Variants in GPA33 observed in about 807,000 individuals in gnomAD.
GPA33 encodes the protein cell surface A33 antigen.
A neutral mutation model predicts 35.6 loss-of-function variants in GPA33; 27 were observed. That is an observed-to-expected ratio of 0.76 (90% CI 0.56 to 1.04). The LOEUF (loss-of-function observed/expected upper bound fraction) is 1.04. GPA33 is among the 50% of genes least tolerant of loss of function. GPA33 has a pLI of 0.00. For synonymous variants in GPA33, 176 were observed against 164.0 expected, an observed-to-expected ratio of 1.07 and a Z score of -0.56; for missense variants, 428 against 411.9, an observed-to-expected ratio of 1.04 and a Z score of -0.34.
At chr1:167,067,679 C>G (rs1451108950) in intron 3 of GPA33, among the ~76,000 whole-genome samples, 2 of 152,126 alleles carry the variant, frequency 1.3e-5, no homozygotes, top group Non-Finnish European at 2.9e-5. Context: ...CCTGAATATT[C>G]ATCAGTATGG....
intron 1 of GPA33, among the ~76,000 whole-genome samples, chr1:167,087,963 T>C (rs1036780260): frequency 2.8e-5 from 4 of 142,810 alleles, no homozygotes; most frequent in South Asian, 2.2e-4. Flanking sequence ...GGTTTTATGA[T>C]TGCTTTTAAA....
rs1247061333 is a variant in GPA33, at chr1:167,090,303, C to T, written c.-16G>A. ...TCCCCACCATGGTCTTGCTTCTTCT[C>T]TGCCCTAAACCTAACCTGTCACTGG... On this transcript the variant is annotated 5_prime_UTR_variant, in exon 1 of 7. Transcript: ENST00000367868. 5.0e-6 allele frequency: 8 copies of T among 1,611,652 alleles called. No individual in the cohort carries two copies. The highest frequency in any genetic ancestry group is 5.1e-6 in the Non-Finnish European group (6 of 1,177,930).
At chr1:167,056,721 G>GTA (rs1666289897) in intron 4 of GPA33, among the ~76,000 whole-genome samples, 14 of 102,780 alleles carry the variant, frequency 1.4e-4, no homozygotes, top group South Asian at 3.4e-4. Context: ...TGTGTGTGTA[G>GTA]TGTGTGATGT....
At chr1:167,082,827 C>T (rs1474517682) in intron 1 of GPA33, among the ~76,000 whole-genome samples, 1 of 152,198 alleles carries the variant, frequency 6.6e-6, no homozygotes, top group Non-Finnish European at 1.5e-5. Flanking sequence ...GTGTTTATGG[C>T]ATCCCTGACT....
chr1:167,063,156 G>A (rs919709390), intron 4 of GPA33, among the ~76,000 whole-genome samples: 1 of 152,220 alleles, frequency 6.6e-6, no homozygotes, highest in African/African-American at 2.4e-5. Flanking sequence ...GGCCGGGCGC[G>A]ATGGCTCACG....
intron 1 of GPA33, among the ~76,000 whole-genome samples, chr1:167,089,679 G>T (rs1325765743): frequency 1.3e-5 from 2 of 152,108 alleles, no homozygotes; most frequent in Non-Finnish European, 2.9e-5. Flanking sequence ...AATGCTCAGA[G>T]TCCCAGAATT....
chr1:167,089,969 G>A (rs528513891), intron 1 of GPA33, among the ~76,000 whole-genome samples: 2 of 152,190 alleles, frequency 1.3e-5, no homozygotes, highest in East Asian at 3.9e-4. Flanking sequence ...TCCTGTGTCT[G>A]ATCCTATAAT....
At chr1:167,063,459 G>T in intron 4 of GPA33, 123 bp downstream of exon 4, 1 of 761,178 alleles carries the variant, frequency 1.3e-6, no homozygotes, top group Non-Finnish European at 2.2e-6. Flanking sequence ...GATAGGGATG[G>T]GTAGGGAAGC....
At chr1:167,086,153 T>C (rs1477855385) in intron 1 of GPA33, among the ~76,000 whole-genome samples, 1 of 152,238 alleles carries the variant, frequency 6.6e-6, no homozygotes, top group Non-Finnish European at 1.5e-5. Context: ...AGGGAGGCAA[T>C]GTGATTCATT....
chr1:167,086,074 C>A (rs747546554), intron 1 of GPA33, among the ~76,000 whole-genome samples: 1 of 152,216 alleles, frequency 6.6e-6, no homozygotes, highest in Admixed American at 6.5e-5. Context: ...CCATTCATAA[C>A]ATCTTTTCTC....
At position 167,071,999 on chromosome 1, in the gene GPA33, G is replaced by T. The variant is rs145508768; in HGVS notation, c.198+1386C>A. On this transcript the variant is annotated intron_variant, in intron 2 of 6. Transcript: ENST00000367868. ...TAAATAAGTATGATGGCAAGAGAAGGTTCCCTTTCGCTCCTACAAGCTAAA... is the reference window on the plus strand; with the variant it reads ...TAAATAAGTATGATGGCAAGAGAAGTTTCCCTTTCGCTCCTACAAGCTAAA... Among the ~76,000 whole-genome samples the T allele has an allele frequency of 3.9e-5, 6 of 152,294 alleles. No homozygotes were observed. In the East Asian group the frequency reaches 5.8e-4, roughly 15 times the overall value.
chr1:167,073,290 C>A (rs986431182), intron 2 of GPA33, 95 bp downstream of exon 2: 6 of 1,065,314 alleles, frequency 5.6e-6, no homozygotes, highest in Non-Finnish European at 7.0e-6. Flanking sequence ...TTTATTCTAC[C>A]ATTTATGGAA....
intron 1 of GPA33, among the ~76,000 whole-genome samples, chr1:167,075,240 G>A (rs189953704): frequency 3.2e-4 from 49 of 152,242 alleles, no homozygotes; most frequent in Admixed American, 2.4e-3. Context: ...CAAATGTGGG[G>A]TGAACAGATA....
intron 1 of GPA33, 117 bp downstream of exon 1, chr1:167,090,128 C>G: frequency 2.6e-6 from 2 of 758,980 alleles, no homozygotes; most frequent in Non-Finnish European, 4.7e-6. Context: ...CCAGCAGGAA[C>G]GCAGCTGTGT....
intron 6 of GPA33, 113 bp from the exon 7 acceptor site, chr1:167,054,579 A>C: frequency 7.7e-7 from 1 of 1,305,288 alleles, no homozygotes; most frequent in Non-Finnish European, 1.1e-6. Flanking sequence ...CTCCCCACCC[A>C]CCAGCTGCAG....
chr1:167,081,605 G>T (rs1460963441), intron 1 of GPA33, among the ~76,000 whole-genome samples: 22 of 152,192 alleles, frequency 1.4e-4, no homozygotes, highest in Non-Finnish European at 1.5e-5. Context: ...CTAGTTTAGT[G>T]CAAGGCACCA....
intron 2 of GPA33, among the ~76,000 whole-genome samples, chr1:167,071,553 G>A (rs532010047): frequency 6.6e-6 from 1 of 152,218 alleles, no homozygotes; most frequent in Non-Finnish European, 1.5e-5. Context: ...CAACAGACCA[G>A]GTTGAGGCAG....
At chr1:167,067,349 G>T (rs6672138) in intron 3 of GPA33, among the ~76,000 whole-genome samples, 30,287 of 151,726 alleles carry the variant, frequency 0.2, 3,296 homozygotes, top group Non-Finnish European at 0.24. Context: ...GCTGGTCTCC[G>T]CCTCGGCCTC....
Position 167,054,967 on chromosome 1 carries a change from G to T in GPA33, c.827+9C>A. ...ACCCTTCCAACAGGCTACCAGCCCA[G>T]ACACTCACGGCCTTGCATCCTCCTT... On this transcript the variant is annotated intron_variant, in intron 6 of 6. Transcript: ENST00000367868. 6.2e-7 allele frequency: 1 copy of T among 1,614,018 alleles called. No individual in the cohort carries two copies. The highest frequency in any genetic ancestry group is 1.1e-5 in the South Asian group (1 of 91,082).
Sources: allele counts gnomAD v4.1 joint callset (sites outside exome capture counted in the v4.1 genomes callset), GRCh38; gene constraint gnomAD v4.1.1; transcripts MANE v1.5; gene names NCBI Gene and HGNC (gene_info 2026-07-23, HGNC 2026-07-21).